FSTL5: variants seen among roughly 807,000 people sequenced by gnomAD.
The protein encoded by FSTL5 is follistatin like 5, also known as follistatin-related protein 5.
FSTL5 carries 62 observed loss-of-function variants against 89.1 expected under a neutral mutation model. The ratio of observed to expected loss-of-function variants is 0.70; its 90% CI spans 0.57 to 0.86. The LOEUF (loss-of-function observed/expected upper bound fraction) is 0.86. FSTL5 is among the 40% of genes least tolerant of loss of function. FSTL5 has a pLI of 0.00. For synonymous variants in FSTL5, 383 were observed against 346.2 expected (o/e 1.11, Z -1.18); for missense variants, 1,057 against 1,001.6 (o/e 1.06, Z -0.75).
intron 5 of FSTL5, among the ~76,000 whole-genome samples, chr4:161,773,803 T>C (rs901812558): frequency 5.3e-5 from 8 of 152,140 alleles, no homozygotes; most frequent in African/African-American, 1.9e-4. Flanking sequence ...GAACTAAAAA[T>C]AGAACTACCA....
chr4:161,791,262 T>C (rs1729464430), intron 4 of FSTL5, among the ~76,000 whole-genome samples: 1 of 152,030 alleles, frequency 6.6e-6, no homozygotes, highest in South Asian at 2.1e-4. Context: ...GAAAAGAAAG[T>C]GAGCAAAAGC....
chr4:161,805,703 A>G, intron 4 of FSTL5, among the ~76,000 whole-genome samples: 1 of 152,238 alleles, frequency 6.6e-6, no homozygotes. Flanking sequence ...AAAAATATTG[A>G]TGAAAGAATT....
chr4:161,776,959 G>A (rs1741433121), intron 4 of FSTL5, among the ~76,000 whole-genome samples: 1 of 151,458 alleles, frequency 6.6e-6, no homozygotes, highest in Non-Finnish European at 1.5e-5. Context: ...CCAAACATTA[G>A]ATCTTATTCC....
At chr4:161,663,844 G>A (rs939589087) in intron 6 of FSTL5, among the ~76,000 whole-genome samples, 2 of 152,186 alleles carry the variant, frequency 1.3e-5, no homozygotes, top group African/African-American at 2.4e-5. Context: ...TGGGCATCCA[G>A]GCATTTCCAC....
At chr4:162,036,341 G>A (rs566956772) in intron 2 of FSTL5, among the ~76,000 whole-genome samples, 9 of 152,040 alleles carry the variant, frequency 5.9e-5, no homozygotes, top group Non-Finnish European at 1.2e-4. Context: ...TCTTCTAGTC[G>A]TGCATATCCT....
intron 3 of FSTL5, among the ~76,000 whole-genome samples, chr4:162,012,755 A>C (rs1028057208): frequency 1.3e-5 from 2 of 152,180 alleles, no homozygotes; most frequent in African/African-American, 4.8e-5. Context: ...CAAATATCTG[A>C]GTGCTTAATA....
At chr4:161,572,774 G>A (rs2126587901) in intron 8 of FSTL5, among the ~76,000 whole-genome samples, 1 of 152,218 alleles carries the variant, frequency 6.6e-6, no homozygotes, top group Non-Finnish European at 1.5e-5. Context: ...GCATCACTGG[G>A]TGACTGAATG....
chr4:161,408,994 T>C (rs1235442105), intron 15 of FSTL5, among the ~76,000 whole-genome samples: 1 of 152,164 alleles, frequency 6.6e-6, no homozygotes, highest in Non-Finnish European at 1.5e-5. Context: ...TATTTGAGGA[T>C]ATAGTTCATG....
At chr4:161,552,061 G>A (rs1732235945) in intron 8 of FSTL5, among the ~76,000 whole-genome samples, 1 of 151,882 alleles carries the variant, frequency 6.6e-6, no homozygotes, top group African/African-American at 2.4e-5. Context: ...CCTACAAAAT[G>A]GGAGAAAATT....
At chr4:161,924,532 T>G (rs1340980209) in intron 3 of FSTL5, among the ~76,000 whole-genome samples, 4 of 151,714 alleles carry the variant, frequency 2.6e-5, no homozygotes, top group Non-Finnish European at 4.4e-5. Flanking sequence ...TCATTGACAC[T>G]TGACTCTTCA....
intron 3 of FSTL5, among the ~76,000 whole-genome samples, chr4:162,001,724 A>G (rs1297307308): frequency 6.6e-6 from 1 of 151,780 alleles, no homozygotes; most frequent in East Asian, 1.9e-4. Flanking sequence ...AGTGTTAGTG[A>G]CTCTTCAAGC....
intron 3 of FSTL5, among the ~76,000 whole-genome samples, chr4:161,959,590 A>G (rs967703295): frequency 1.3e-5 from 2 of 152,126 alleles, no homozygotes; most frequent in African/African-American, 2.4e-5. Flanking sequence ...TTAAATTAAT[A>G]TATTTTAATA....
chr4:161,592,577 T>A (rs1733859401), intron 7 of FSTL5, among the ~76,000 whole-genome samples: 2 of 152,130 alleles, frequency 1.3e-5, no homozygotes, highest in Admixed American at 6.6e-5. Flanking sequence ...TCCAGCTTCA[T>A]CCATGTCGCT....
chr4:161,759,593 T>TTA, intron 5 of FSTL5, 62 bp from the exon 6 acceptor site: 12 of 1,008,032 alleles, frequency 1.2e-5, no homozygotes, highest in Non-Finnish European at 1.5e-5. Context: ...ATAATATAAT[T>TTA]TATTATATGT....
intron 15 of FSTL5, among the ~76,000 whole-genome samples, chr4:161,390,565 G>A (rs531830390): frequency 2.2e-3 from 335 of 151,980 alleles, no homozygotes; most frequent in Middle Eastern, 3.4e-3. Context: ...CATAAAACAG[G>A]GTTCCAGGCC....
At chr4:161,583,725 G>C (rs4691013) in intron 8 of FSTL5, among the ~76,000 whole-genome samples, 78,844 of 151,940 alleles carry the variant, frequency 0.52, 20,980 homozygotes, top group East Asian at 0.79. Context: ...GTGGTCCACA[G>C]AGTCCTTTAT....
intron 2 of FSTL5, among the ~76,000 whole-genome samples, chr4:162,062,712 CT>C (rs1294508897): frequency 6.6e-6 from 1 of 150,710 alleles, no homozygotes; most frequent in Non-Finnish European, 1.5e-5. Flanking sequence ...GTAAAATTTA[CT>C]TAAAGAATGT....
chr4:161,421,766 A>G (rs971072333), intron 15 of FSTL5, among the ~76,000 whole-genome samples: 1 of 152,176 alleles, frequency 6.6e-6, no homozygotes, highest in Non-Finnish European at 1.5e-5. Context: ...GAGGGAGCTT[A>G]AATTTGCTTT....
Position 161,481,042 on chromosome 4 carries a change from A to G in FSTL5, c.1586T>C (p.Val529Ala). ...PTLDRVLIVDVQSQKVVQAVS... is the reference protein window; with the variant it reads ...PTLDRVLIVDAQSQKVVQAVS... ...TACCTGAACAACTTTTTGGGACTGC[A>G]CATCAACAATAAGGACTCTGTCCAA... Residue 529 changes from valine to alanine, a missense_variant, in exon 13 of 16, where the codon GTG becomes GCG. This residue lies in a region of FSTL5 where 980 missense variants were observed against 903.2 expected (regional missense o/e 1.08). Transcript: ENST00000306100. 1 of 1,611,606 alleles carries G rather than the reference A, an allele frequency of 6.2e-7. No homozygotes were observed. Among genetic ancestry groups the G allele is most frequent in the South Asian group, 1.1e-5 (1 of 90,518 alleles).
Sources: gnomAD v4.1 joint callset for allele counts (sites outside exome capture counted in the v4.1 genomes callset) on GRCh38, gnomAD v4.1.1 for gene constraint, gnomAD v4.1.1 regional missense constraint, MANE v1.5 for transcripts, NCBI Gene and HGNC (gene_info 2026-07-23, HGNC 2026-07-21) for gene names.